The following LRP1B variants were observed in gnomAD, a reference collection of about 807,000 sequenced individuals.
The protein encoded by LRP1B is LDL receptor related protein 1B.
In LRP1B, 217 loss-of-function variants were observed where a neutral mutation model predicts 556.6. The ratio of observed to expected loss-of-function variants is 0.39; its 90% CI spans 0.35 to 0.44. The LOEUF (loss-of-function observed/expected upper bound fraction) is 0.44, where lower values mean the gene tolerates loss of function less well. Among genes scored for constraint, LRP1B ranks in the 20% least tolerant of loss-of-function variants. The pLI is 1.00. For synonymous variants in LRP1B, 2,047 were observed against 1,865.8 expected, an observed-to-expected ratio of 1.10 and a Z score of -2.50; for missense variants, 5,053 against 5,620.8, an observed-to-expected ratio of 0.90 and a Z score of 3.23.
At chr2:141,009,473 A>C (rs1343144275) in intron 14 of LRP1B, among the ~76,000 whole-genome samples, 2 of 151,724 alleles carry the variant, frequency 1.3e-5, no homozygotes, top group African/African-American at 4.8e-5. Context: ...CACTTATGTA[A>C]GTGTGTGTGT....
chr2:140,709,869 T>TTTTCTC (rs1476606516), intron 37 of LRP1B, among the ~76,000 whole-genome samples: 1 of 152,070 alleles, frequency 6.6e-6, no homozygotes, highest in Non-Finnish European at 1.5e-5. Flanking sequence ...AAGTCTTTTA[T>TTTTCTC]TTTCTCTCTA....
chr2:140,661,027 T>A (rs1685073258), intron 41 of LRP1B, among the ~76,000 whole-genome samples: 1 of 152,102 alleles, frequency 6.6e-6, no homozygotes, highest in African/African-American at 2.4e-5. Context: ...TGAAACCCAT[T>A]TGCCCTTCCC....
intron 59 of LRP1B, among the ~76,000 whole-genome samples, chr2:140,482,840 C>T (rs1378137128): frequency 1.3e-5 from 2 of 152,084 alleles, no homozygotes; most frequent in Admixed American, 6.6e-5. Flanking sequence ...TCATACTTCT[C>T]AAGGAAACGG....
intron 2 of LRP1B, among the ~76,000 whole-genome samples, chr2:141,575,221 CT>C (rs1339282083): frequency 5.9e-5 from 9 of 152,160 alleles, no homozygotes; most frequent in Admixed American, 5.9e-4. Context: ...TACTACAAGG[CT>C]ACAGTAACCA....
At chr2:140,792,678 A>G (rs1202896390) in intron 32 of LRP1B, among the ~76,000 whole-genome samples, 1 of 152,184 alleles carries the variant, frequency 6.6e-6, no homozygotes, top group East Asian at 1.9e-4. Context: ...TTAAAAAGAA[A>G]AAAATAAGGA....
At chr2:141,613,429 A>G (rs2105325451) in intron 2 of LRP1B, among the ~76,000 whole-genome samples, 1 of 152,290 alleles carries the variant, frequency 6.6e-6, no homozygotes, top group East Asian at 1.9e-4. Flanking sequence ...ACACCGCCAC[A>G]TGAACTTTCA....
chr2:141,963,261 A>G (rs1383356147), intron 1 of LRP1B, among the ~76,000 whole-genome samples: 1 of 151,870 alleles, frequency 6.6e-6, no homozygotes, highest in Admixed American at 6.6e-5. Context: ...CTTTGTTTCT[A>G]CTTCTCTTTG....
chr2:140,693,975 CG>C (rs1686335229), intron 41 of LRP1B, among the ~76,000 whole-genome samples: 1 of 152,088 alleles, frequency 6.6e-6, no homozygotes, highest in African/African-American at 2.4e-5. Flanking sequence ...CCCAGAGTGC[CG>C]GGATTACAGG....
intron 67 of LRP1B, among the ~76,000 whole-genome samples, chr2:140,379,763 T>C (rs1683393510): frequency 6.6e-6 from 1 of 152,038 alleles, no homozygotes; most frequent in Non-Finnish European, 1.5e-5. Context: ...AAGTAATGTG[T>C]GTCAGCAAGC....
chr2:140,590,010 A>G (rs2105162665), intron 43 of LRP1B, among the ~76,000 whole-genome samples: 1 of 152,206 alleles, frequency 6.6e-6, no homozygotes, highest in African/African-American at 2.4e-5. Flanking sequence ...AAAACTGGGT[A>G]AAGAGTACAC....
rs1553456128 is a variant in LRP1B at position 141,074,589 on chromosome 2, C to CTATA, written c.1014-12320_1014-12317dup. ...TCTCTGTCTCTCTCTCTCTCTCTCTCTATATATATATATATATGTTTTTTA... is the reference window on the plus strand; with the variant it reads ...TCTCTGTCTCTCTCTCTCTCTCTCTCTATATATATATATATATATATGTTTTTTA... On this transcript the variant is annotated intron_variant, in intron 7 of 90. Transcript: ENST00000389484. 8.1e-3 allele frequency among the ~76,000 whole-genome samples: 1,104 copies of CTATA among 136,454 alleles called. 14 individuals carry two copies. Among genetic ancestry groups the CTATA allele is most frequent in the East Asian group, 0.027 (129 of 4,730 alleles). 89.5% of individuals were successfully genotyped at this position (136,454 alleles called of 152,430 possible).
chr2:141,522,684 T>C (rs902503285), intron 2 of LRP1B, among the ~76,000 whole-genome samples: 5 of 152,078 alleles, frequency 3.3e-5, no homozygotes, highest in African/African-American at 4.8e-5. Context: ...AAACATAAAA[T>C]ATGTCACCAT....
chr2:140,542,654 G>A (rs1441804984), intron 43 of LRP1B, among the ~76,000 whole-genome samples: 1 of 152,072 alleles, frequency 6.6e-6, no homozygotes, highest in Non-Finnish European at 1.5e-5. Flanking sequence ...GGCATCCACC[G>A]TTTACCAGAG....
chr2:141,832,327 TCACACACACACA>T (rs869062999), intron 1 of LRP1B, among the ~76,000 whole-genome samples: 3 of 143,966 alleles, frequency 2.1e-5, no homozygotes, highest in Non-Finnish European at 3.1e-5. Context: ...TCTTTCTCTC[TCACACACACACA>T]CACACACACA....
chr2:140,499,957 G>T (rs1202406675), intron 55 of LRP1B, among the ~76,000 whole-genome samples: 3 of 151,790 alleles, frequency 2.0e-5, no homozygotes, highest in African/African-American at 7.2e-5. Context: ...GATGAATTCA[G>T]GAAAGATTTC....
chr2:141,008,794 T>A (rs1697654112), intron 14 of LRP1B, among the ~76,000 whole-genome samples: 1 of 151,912 alleles, frequency 6.6e-6, no homozygotes, highest in Non-Finnish European at 1.5e-5. Flanking sequence ...CAACTTTTAG[T>A]TAGCAGTTTG....
intron 5 of LRP1B, among the ~76,000 whole-genome samples, chr2:141,243,290 CTGGGCAACAGAGAG>C (rs1683949459): frequency 6.6e-6 from 1 of 151,852 alleles, no homozygotes; most frequent in Non-Finnish European, 1.5e-5. Context: ...CAAGACCAGC[CTGGGCAACAGAGAG>C]AGATCCTGTG....
At chr2:140,814,125 C>T (rs1429542540) in intron 31 of LRP1B, among the ~76,000 whole-genome samples, 2 of 152,022 alleles carry the variant, frequency 1.3e-5, no homozygotes, top group Non-Finnish European at 1.5e-5. Flanking sequence ...CAAATGTGCA[C>T]CACTATGCCC....
intron 3 of LRP1B, among the ~76,000 whole-genome samples, chr2:141,294,275 A>G (rs958132022): frequency 7.2e-5 from 11 of 152,224 alleles, no homozygotes; most frequent in African/African-American, 2.7e-4. Flanking sequence ...GGCACCATTT[A>G]AGAGTCAGAA....
Sources: gnomAD v4.1 joint callset for allele counts (sites outside exome capture counted in the v4.1 genomes callset) on GRCh38, gnomAD v4.1.1 for gene constraint, MANE v1.5 for transcripts, NCBI Gene and HGNC (gene_info 2026-07-23, HGNC 2026-07-21) for gene names.